ABCD3: variants seen among roughly 807,000 people sequenced by gnomAD.
ABCD3 encodes the protein ATP binding cassette subfamily D member 3, also known as ATP-binding cassette sub-family D member 3.
A neutral mutation model predicts 105.5 loss-of-function variants in ABCD3; 41 were observed. The observed-to-expected ratio is 0.39, with a 90% CI of 0.30 to 0.50. The LOEUF is 0.50. Ranked by LOEUF, ABCD3 falls within the 20% of genes least tolerant of loss-of-function variation. ABCD3 has a pLI of 0.84. For missense variants in ABCD3, 622 were observed against 806.3 expected (o/e 0.77, Z 2.77); for synonymous variants, 258 against 269.0 (o/e 0.96, Z 0.40).
chr1:94,408,064 C>T, the ABCD3 span, among the ~76,000 whole-genome samples: 1 of 152,148 alleles, frequency 6.6e-6, no homozygotes, highest in Non-Finnish European at 1.5e-5. Flanking sequence ...GCAGAAAAAA[C>T]GTACAGAACT....
At chr1:94,443,745 C>T (rs1477406669) in intron 1 of ABCD3, among the ~76,000 whole-genome samples, 1 of 152,036 alleles carries the variant, frequency 6.6e-6, no homozygotes, top group Non-Finnish European at 1.5e-5. Context: ...GTGTCCTTTC[C>T]CCAGTGCATA....
intron 22 of ABCD3, among the ~76,000 whole-genome samples, chr1:94,515,789 C>G (rs535777701): frequency 8.6e-5 from 13 of 151,816 alleles, no homozygotes; most frequent in Admixed American, 2.6e-4. Context: ...TGAAAGTAAA[C>G]CCAGTTTAAT....
the ABCD3 span, among the ~76,000 whole-genome samples, chr1:94,386,051 C>G: frequency 5.4e-5 from 1 of 18,646 alleles, no homozygotes; most frequent in Admixed American, 4.8e-4. Context: ...TTCTTTCTTT[C>G]TTTCTTTCTT....
upstream of ABCD3, among the ~76,000 whole-genome samples, chr1:94,415,234 G>A (rs974833972): frequency 5.0e-4 from 76 of 152,278 alleles, no homozygotes; most frequent in African/African-American, 1.7e-3. Flanking sequence ...GAAATTCCAT[G>A]AGGGCATAAA....
In ABCD3 at chr1:94,418,438, C is replaced by T; in HGVS notation, c.-41C>T. On this transcript the variant is annotated 5_prime_UTR_variant, in exon 1 of 23. Coordinates refer to ENST00000370214, the MANE Select transcript of ABCD3 (RefSeq NM_002858.4). ...AGTAAGGTAGCCGCCGCCGCCGCCG[C>T]CGCCGCGTCCCCTCGCCGGCTCGCT... is the stretch of plus-strand genomic sequence containing the variant. 6.5e-7 allele frequency: 1 copy of T among 1,547,248 alleles called. No homozygotes were observed. Among genetic ancestry groups the T allele is most frequent in the Non-Finnish European group, 8.7e-7 (1 of 1,146,468 alleles).
chr1:94,442,304 C>CT (rs1660163781), intron 1 of ABCD3, among the ~76,000 whole-genome samples: 1 of 152,102 alleles, frequency 6.6e-6, no homozygotes, highest in Non-Finnish European at 1.5e-5. Flanking sequence ...GCTCTTCTGC[C>CT]TTTTTTCTAA....
chr1:94,438,210 C>T (rs1228954599), intron 1 of ABCD3, among the ~76,000 whole-genome samples: 2 of 151,654 alleles, frequency 1.3e-5, no homozygotes, highest in Non-Finnish European at 2.9e-5. Context: ...TCGCTTGAAC[C>T]TGGGAGGCAG....
chr1:94,483,336 C>T (rs1649117977), intron 10 of ABCD3, 97 bp downstream of exon 10: 1 of 875,632 alleles, frequency 1.1e-6, no homozygotes, highest in Admixed American at 1.8e-5. Flanking sequence ...CACACACAAA[C>T]ACACACGTAT....
chr1:94,480,958 C>T (rs1194585564), intron 9 of ABCD3, among the ~76,000 whole-genome samples: 1 of 152,134 alleles, frequency 6.6e-6, no homozygotes, highest in Non-Finnish European at 1.5e-5. Context: ...TTTATTTTGA[C>T]TGTTCATAAT....
intron 1 of ABCD3, among the ~76,000 whole-genome samples, chr1:94,435,533 A>G (rs555756345): frequency 2.8e-4 from 43 of 152,284 alleles, no homozygotes; most frequent in African/African-American, 9.4e-4. Flanking sequence ...TCTGTCTTGC[A>G]AAAAAGAGAG....
At chr1:94,388,877 A>G in the ABCD3 span, among the ~76,000 whole-genome samples, 39 of 152,308 alleles carry the variant, frequency 2.6e-4, no homozygotes, top group Middle Eastern at 3.4e-3. Context: ...GGCAGCCACT[A>G]TGGACAACTG....
At chr1:94,434,936 A>C (rs1443750639) in intron 1 of ABCD3, among the ~76,000 whole-genome samples, 2 of 151,726 alleles carry the variant, frequency 1.3e-5, no homozygotes, top group Non-Finnish European at 2.9e-5. Context: ...TCATCACCCA[A>C]ATGTGCATTC....
rs1647701726 is a variant in ABCD3 at position 94,458,526 on chromosome 1, A to G, written c.111-81A>G. ...AAGAAACGCTTTTAAATAATTTGGTATATTTGACATCTTAAAATCATCTTA... is the reference window on the plus strand; with the variant it reads ...AAGAAACGCTTTTAAATAATTTGGTGTATTTGACATCTTAAAATCATCTTA... On this transcript the variant is annotated intron_variant, in intron 1 of 22. Transcript: ENST00000370214. The G allele has an allele frequency of 8.2e-6, 10 of 1,220,012 alleles. No individual in the cohort carries two copies. The Admixed American group carries it at 1.6e-4, about 19-fold the overall frequency. The allele number at this position is 1,220,012 out of a possible 1,614,324, so 75.6% of individuals were successfully genotyped here.
chr1:94,456,275 TTTTTTTTTTTTTTTTTG>T, intron 1 of ABCD3, among the ~76,000 whole-genome samples: 1 of 121,294 alleles, frequency 8.2e-6, no homozygotes, highest in African/African-American at 3.2e-5. Flanking sequence ...TTTTTTTTTT[TTTTTTTTTTTTTTTTTG>T]GAGACGGAGT....
intron 4 of ABCD3, among the ~76,000 whole-genome samples, chr1:94,473,128 A>C (rs1030941210): frequency 6.6e-6 from 1 of 152,158 alleles, no homozygotes; most frequent in Non-Finnish European, 1.5e-5. Flanking sequence ...GCTCTGATCT[A>C]TGCGTTAGTC....
At chr1:94,444,318 C>T (rs886231507) in intron 1 of ABCD3, among the ~76,000 whole-genome samples, 17 of 123,492 alleles carry the variant, frequency 1.4e-4, no homozygotes, top group African/African-American at 4.2e-4. Flanking sequence ...GGGGGCAGAG[C>T]GAGACTCCAT....
At position 94,487,971 on chromosome 1, in the gene ABCD3, C is replaced by T; in HGVS notation, c.1145C>T (p.Thr382Ile). The change falls in exon 13 of 23, where the codon ACT becomes ATT. Residue 382 changes from threonine to isoleucine, a missense_variant. Transcript: ENST00000370214. ...ATAGTTTTGGCTGGGCGTGAAATGA[C>T]TAGATTGGCCGGGTAAGATTAGTAA... Reference protein sequence around the residue: ...GRIVLAGREMTRLAGFTARIT... With the variant: ...GRIVLAGREMIRLAGFTARIT... The T allele has an allele frequency of 1.9e-6, 3 of 1,613,038 alleles. No homozygotes were observed. The highest frequency in any genetic ancestry group is 2.2e-5 in the East Asian group (1 of 44,836).
chr1:94,454,600 G>C (rs183816655), intron 1 of ABCD3, among the ~76,000 whole-genome samples: 17 of 152,266 alleles, frequency 1.1e-4, no homozygotes, highest in African/African-American at 4.1e-4. Context: ...CTTTGACCTA[G>C]AGATAGTAGG....
intron 1 of ABCD3, among the ~76,000 whole-genome samples, chr1:94,444,790 C>T (rs565879671): frequency 1.5e-4 from 23 of 152,256 alleles, no homozygotes; most frequent in African/African-American, 5.5e-4. Flanking sequence ...CTGTTGATTT[C>T]TTTTTTCCAT....
Sources: gnomAD v4.1 joint callset for allele counts (sites outside exome capture counted in the v4.1 genomes callset) on GRCh38, gnomAD v4.1.1 for gene constraint, MANE v1.5 for transcripts, NCBI Gene and HGNC (gene_info 2026-07-23, HGNC 2026-07-21) for gene names.